NAV2: variants seen among roughly 807,000 people sequenced by gnomAD.
NAV2 encodes helicase, APC down-regulated 1.
In NAV2, 54 loss-of-function variants were observed where a neutral mutation model predicts 223.2. The ratio of observed to expected loss-of-function variants is 0.24; its 90% CI spans 0.19 to 0.30. The LOEUF is 0.30. Among genes scored for constraint, NAV2 ranks in the 10% least tolerant of loss-of-function variants. NAV2 has a pLI of 1.00. For synonymous variants in NAV2, 1,279 were observed against 1,239.3 expected (o/e 1.03, Z -0.67); for missense variants, 2,806 against 3,147.5 (o/e 0.89, Z 2.60).
intron 1 of NAV2, among the ~76,000 whole-genome samples, chr11:19,769,537 C>T (rs2055533964): frequency 6.6e-6 from 1 of 152,142 alleles, no homozygotes; most frequent in African/African-American, 2.4e-5. Context: ...ACCCAGAGTG[C>T]CAGCATCCAC....
intron 1 of NAV2, among the ~76,000 whole-genome samples, chr11:19,701,238 G>T (rs1362036050): frequency 1.3e-5 from 2 of 152,160 alleles, no homozygotes; most frequent in South Asian, 2.1e-4. Context: ...AGTTTCTCCT[G>T]TAGGGAAACC....
At chr11:19,643,994 A>C (rs1011421454) in intron 1 of NAV2, among the ~76,000 whole-genome samples, 2 of 152,356 alleles carry the variant, frequency 1.3e-5, no homozygotes, top group Non-Finnish European at 2.9e-5. Context: ...ATGTAGATAA[A>C]TGCATAAGTA....
Position 19,949,064 on chromosome 11 carries a change from G to A in NAV2, c.2629G>A (p.Asp877Asn), listed in dbSNP as rs898468545. ...GDVLSKNIRTDDITSGYMTDG... is the reference protein window; with the variant it reads ...GDVLSKNIRTNDITSGYMTDG... ...TGTTCTGAGCAAGAACATCCGGACC[G>A]ATGACATTACAAGCGGGTAAGTACC... The change falls in exon 10 of 38, where the codon GAT (aspartate) becomes AAT (asparagine). Residue 877 changes from aspartate to asparagine, a missense_variant. Transcript: ENST00000349880. 22 of 1,607,706 alleles carry A rather than the reference G, an allele frequency of 1.4e-5. 1 individual carries two copies. In the East Asian group the frequency reaches 1.6e-4, roughly 11 times the overall value.
chr11:19,527,184 C>T (rs187761744), intron 1 of NAV2, among the ~76,000 whole-genome samples: 62 of 152,126 alleles, frequency 4.1e-4, no homozygotes, highest in Non-Finnish European at 2.9e-5. Context: ...AGGGCAGTTT[C>T]CCCCATACTG....
chr11:19,784,115 G>T (rs1027311467), intron 1 of NAV2, among the ~76,000 whole-genome samples: 1 of 152,038 alleles, frequency 6.6e-6, no homozygotes, highest in African/African-American at 2.4e-5. Context: ...TTGGCCAGTC[G>T]CAGTGGCTTA....
chr11:19,930,017 A>C (rs1033346264), intron 6 of NAV2, among the ~76,000 whole-genome samples: 1 of 152,042 alleles, frequency 6.6e-6, no homozygotes, highest in Non-Finnish European at 1.5e-5. Context: ...CACTGTTTTC[A>C]TGGTTTGTTT....
At chr11:20,110,156 G>C (rs1592204794) in intron 36 of NAV2, among the ~76,000 whole-genome samples, 1 of 152,364 alleles carries the variant, frequency 6.6e-6, no homozygotes, top group Admixed American at 6.5e-5. Flanking sequence ...TCAGTGTGAG[G>C]CAGGAAAAGT....
At chr11:19,645,321 C>G (rs982587515) in intron 1 of NAV2, among the ~76,000 whole-genome samples, 4 of 152,184 alleles carry the variant, frequency 2.6e-5, no homozygotes, top group African/African-American at 9.6e-5. Flanking sequence ...TTCTAAGGAC[C>G]ACTGGGATTA....
rs576660595 is a variant in NAV2 at position 19,916,053 on chromosome 11, T to A, written c.932-17123T>A. Among the ~76,000 whole-genome samples, 13 of 152,332 alleles carry A rather than the reference T, an allele frequency of 8.5e-5. No individual in the cohort carries two copies. The South Asian group carries it at 2.7e-3, about 32-fold the overall frequency. ...AGCAGTATCTACTTCATAGGGTTAT[T>A]GTGAGGAGTAAATTAGGTGATGCAA... On this transcript the variant is annotated intron_variant, in intron 6 of 37. Coordinates refer to ENST00000349880, the MANE Select transcript of NAV2 (RefSeq NM_145117.5).
intron 1 of NAV2, among the ~76,000 whole-genome samples, chr11:19,798,969 C>T (rs924030452): frequency 1.3e-5 from 2 of 152,168 alleles, no homozygotes; most frequent in African/African-American, 4.8e-5. Flanking sequence ...ACATCCCCTC[C>T]ACTCCGCTCA....
intron 1 of NAV2, among the ~76,000 whole-genome samples, chr11:19,371,866 C>G (rs1304658245): frequency 6.6e-6 from 1 of 151,196 alleles, no homozygotes; most frequent in South Asian, 2.1e-4. Context: ...CAACCTCCTC[C>G]TCCTGGTTTC....
chr11:20,043,856 C>T (rs887721977), intron 12 of NAV2, 125 bp from the exon 13 acceptor site: 26 of 821,214 alleles, frequency 3.2e-5, no homozygotes, highest in Middle Eastern at 6.8e-4. Flanking sequence ...AAAGTCCAAA[C>T]ATCTTTAAAG....
At position 19,788,280 on chromosome 11, in the gene NAV2, G is replaced by A. The variant is rs150621135; in HGVS notation, c.268-44204G>A. Reference sequence around the variant, plus strand: ...AGTCATGACAATCAAAAATGTCTCCGTAAGTTTCCAGATGTCCCCGAGGGG... The same window carrying A: ...AGTCATGACAATCAAAAATGTCTCCATAAGTTTCCAGATGTCCCCGAGGGG... On this transcript the variant is annotated intron_variant, in intron 1 of 37. Coordinates refer to ENST00000349880, the MANE Select transcript of NAV2 (RefSeq NM_145117.5). Among the ~76,000 whole-genome samples, 25 of 152,248 alleles carry A rather than the reference G, an allele frequency of 1.6e-4. No individual in the cohort carries two copies. The East Asian group carries it at 4.1e-3, about 25-fold the overall frequency.
intron 1 of NAV2, among the ~76,000 whole-genome samples, chr11:19,585,892 C>T (rs1290493962): frequency 6.6e-6 from 1 of 152,110 alleles, no homozygotes; most frequent in East Asian, 1.9e-4. Flanking sequence ...ATGTTTGTGG[C>T]ATTCTCTGTA....
At chr11:19,817,586 T>G (rs1352687501) in intron 1 of NAV2, among the ~76,000 whole-genome samples, 1 of 152,080 alleles carries the variant, frequency 6.6e-6, no homozygotes, top group Non-Finnish European at 1.5e-5. Flanking sequence ...GGTCAGTGTT[T>G]GGGAGACCAG....
intron 1 of NAV2, among the ~76,000 whole-genome samples, chr11:19,504,114 A>G (rs2043045106): frequency 6.6e-6 from 1 of 152,256 alleles, no homozygotes; most frequent in South Asian, 2.1e-4. Context: ...ACAATGGGAC[A>G]GCACCATACA....
intron 2 of NAV2, among the ~76,000 whole-genome samples, chr11:19,836,283 C>T (rs889972660): frequency 5.3e-5 from 8 of 152,036 alleles, no homozygotes; most frequent in African/African-American, 1.7e-4. Context: ...CTGGGCCAGG[C>T]GCGGTGGCTC....
intron 1 of NAV2, among the ~76,000 whole-genome samples, chr11:19,393,044 CTGG>C (rs1849309624): frequency 6.6e-6 from 1 of 152,198 alleles, no homozygotes; most frequent in Admixed American, 6.5e-5. Flanking sequence ...GCGTTGTTCC[CTGG>C]TGAAATATGC....
At chr11:19,957,513 T>C (rs1014571449) in intron 10 of NAV2, among the ~76,000 whole-genome samples, 6 of 152,200 alleles carry the variant, frequency 3.9e-5, no homozygotes, top group African/African-American at 1.4e-4. Context: ...GGCAGATGGA[T>C]GGCTCTGGCT....
Sources: gnomAD v4.1 joint callset for allele counts (sites outside exome capture counted in the v4.1 genomes callset) on GRCh38, gnomAD v4.1.1 for gene constraint, MANE v1.5 for transcripts, NCBI Gene and HGNC (gene_info 2026-07-23, HGNC 2026-07-21) for gene names.